The following SLC13A1 variants were observed in gnomAD, a reference collection of about 807,000 sequenced individuals.
The protein encoded by SLC13A1 is solute carrier family 13 member 1, also known as Na(+)/sulfate cotransporter.
Under a neutral mutation model 70.0 loss-of-function variants are expected in SLC13A1, and 65 were observed. The observed-to-expected ratio is 0.93, with a 90% CI of 0.76 to 1.14. The LOEUF (loss-of-function observed/expected upper bound fraction) is 1.14. Ranked by LOEUF, SLC13A1 falls within the 50% of genes most tolerant of loss-of-function variation. The pLI is 0.00. For missense variants in SLC13A1, 726 were observed against 717.8 expected, an observed-to-expected ratio of 1.01 and a Z score of -0.13; for synonymous variants, 275 against 250.5, an observed-to-expected ratio of 1.10 and a Z score of -0.92.
chr7:123,187,059 A>G (rs535422260), intron 1 of SLC13A1, among the ~76,000 whole-genome samples: 1 of 152,142 alleles, frequency 6.6e-6, no homozygotes, highest in Non-Finnish European at 1.5e-5. Flanking sequence ...GACTCCCAAA[A>G]GTTACATCAA....
chr7:123,120,781 T>C (rs1240378594), intron 12 of SLC13A1, among the ~76,000 whole-genome samples: 1 of 152,082 alleles, frequency 6.6e-6, no homozygotes, highest in African/African-American at 2.4e-5. Flanking sequence ...TTTAGTCACA[T>C]TGACACAAAT....
At chr7:123,132,842 G>T (rs1487390299) in intron 8 of SLC13A1, among the ~76,000 whole-genome samples, 1 of 152,174 alleles carries the variant, frequency 6.6e-6, no homozygotes, top group African/African-American at 2.4e-5. Flanking sequence ...TGTTAAATGA[G>T]TAGAATTTAC....
intron 6 of SLC13A1, among the ~76,000 whole-genome samples, chr7:123,161,968 T>C (rs117671224): frequency 0.016 from 2,453 of 152,126 alleles, 32 homozygotes; most frequent in East Asian, 0.027. Flanking sequence ...CAGGCATATA[T>C]GCATGAAATA....
rs572159706 is a variant in SLC13A1, at chr7:123,183,867, G to T, written c.100-2766C>A. Among the ~76,000 whole-genome samples, 403 of 152,190 alleles carry T rather than the reference G, an allele frequency of 2.6e-3. 1 individual carries two copies. Among genetic ancestry groups the T allele is most frequent in the Non-Finnish European group, 4.0e-3 (269 of 67,996 alleles). ...GAATCCCTGGATTCATAACCCATTTGTAAAACTTGTCTACCTTTTGATTTG... is the reference window on the plus strand; with the variant it reads ...GAATCCCTGGATTCATAACCCATTTTTAAAACTTGTCTACCTTTTGATTTG... On this transcript the variant is annotated intron_variant, in intron 1 of 14. Coordinates refer to ENST00000194130, the MANE Select transcript of SLC13A1 (RefSeq NM_022444.4).
intron 6 of SLC13A1, among the ~76,000 whole-genome samples, chr7:123,162,134 G>T (rs1457840922): frequency 6.6e-6 from 1 of 151,678 alleles, no homozygotes; most frequent in African/African-American, 2.4e-5. Context: ...AGTGTGGGGG[G>T]CTTATTGTAC....
chr7:123,133,886 G>A (rs972132755), intron 8 of SLC13A1, among the ~76,000 whole-genome samples: 4 of 151,970 alleles, frequency 2.6e-5, no homozygotes, highest in Non-Finnish European at 5.9e-5. Flanking sequence ...CGCCCAGGCT[G>A]TAGTGCAGTG....
At chr7:123,124,679 G>C (rs1468184347) in intron 11 of SLC13A1, among the ~76,000 whole-genome samples, 1 of 151,228 alleles carries the variant, frequency 6.6e-6, no homozygotes, top group African/African-American at 2.5e-5. Flanking sequence ...TGTTTAAAAA[G>C]TGTGTGTGTC....
At chr7:123,178,035 A>C (rs6978568) in intron 2 of SLC13A1, among the ~76,000 whole-genome samples, 87,052 of 135,894 alleles carry the variant, frequency 0.64, 25,684 homozygotes, top group East Asian at 0.74. Context: ...CTCTCTCTCT[A>C]TATATATATA....
intron 1 of SLC13A1, among the ~76,000 whole-genome samples, chr7:123,187,746 T>C (rs73217786): frequency 6.6e-6 from 1 of 152,236 alleles, no homozygotes; most frequent in Admixed American, 6.5e-5. Flanking sequence ...TTGATACATG[T>C]AGATTTATTG....
chr7:123,173,736 C>A (rs1034251517), intron 2 of SLC13A1, among the ~76,000 whole-genome samples: 6 of 152,072 alleles, frequency 3.9e-5, no homozygotes, highest in Non-Finnish European at 5.9e-5. Flanking sequence ...ATTTTGCTAA[C>A]CATCACGTAT....
rs1793145868 is a variant in SLC13A1, at chr7:123,115,410, C to A, written c.*108G>T. ...ATTCACAGGAATTGCAGCAGCTACACCATAACTGATTTAAATGTGTGTCAT... is the reference window on the plus strand; with the variant it reads ...ATTCACAGGAATTGCAGCAGCTACAACATAACTGATTTAAATGTGTGTCAT... On this transcript the variant is annotated 3_prime_UTR_variant, in exon 15 of 15. Coordinates refer to ENST00000194130, the MANE Select transcript of SLC13A1 (RefSeq NM_022444.4). 8.6e-7 allele frequency: 1 copy of A among 1,167,480 alleles called. No homozygotes were observed. 72.3% of individuals were successfully genotyped at this position (1,167,480 alleles called of 1,614,324 possible).
chr7:123,158,783 T>C (rs1169401276), intron 6 of SLC13A1, among the ~76,000 whole-genome samples: 1 of 152,006 alleles, frequency 6.6e-6, no homozygotes, highest in Non-Finnish European at 1.5e-5. Flanking sequence ...TAGAAATATA[T>C]AAATATATTT....
In SLC13A1 at chr7:123,114,232, G is replaced by A. The variant is rs1793109048; in HGVS notation, c.*1286C>T. 6.6e-6 allele frequency: 1 copy of A among 151,562 alleles called. No individual in the cohort carries two copies. The allele number at this position is 151,562 out of a possible 1,614,324, so 9.4% of individuals were successfully genotyped here. A position where few individuals can be genotyped will look rare whatever the true frequency, so the allele number is the denominator to read the frequency against. On this transcript the variant is annotated 3_prime_UTR_variant, in exon 15 of 15. Transcript: ENST00000194130. ...GTTTTTGATCATTTTTCCTTTAGCT[G>A]AATTTTGGAATGCCAATAGCACTTA...
intron 1 of SLC13A1, among the ~76,000 whole-genome samples, chr7:123,198,117 C>T (rs1796240567): frequency 6.6e-6 from 1 of 151,900 alleles, no homozygotes; most frequent in Admixed American, 6.6e-5. Flanking sequence ...TAGGATTCAG[C>T]CAAATCTAGA....
intron 1 of SLC13A1, among the ~76,000 whole-genome samples, chr7:123,189,473 A>G (rs187318868): frequency 1.8e-4 from 27 of 152,306 alleles, no homozygotes; most frequent in South Asian, 4.1e-4. Flanking sequence ...TACAATCTGT[A>G]TGACAACTCC....
chr7:123,148,459 A>C (rs184452431), intron 6 of SLC13A1: 11 of 452,296 alleles, frequency 2.4e-5, no homozygotes, highest in Admixed American at 9.6e-5. Context: ...ACTAGTCCAA[A>C]TGTAAGTGTT....
chr7:123,123,186 G>A lies in SLC13A1; in HGVS notation c.1290C>T (p.Phe430=). The A allele has an allele frequency of 6.2e-7, 1 of 1,613,584 alleles. No individual in the cohort carries two copies. Among genetic ancestry groups the A allele is most frequent in the Non-Finnish European group, 8.5e-7 (1 of 1,179,656 alleles). The change falls in exon 12 of 15, where the codon TTC becomes TTT. Residue 430 remains phenylalanine, a synonymous_variant. Coordinates refer to ENST00000194130, the MANE Select transcript of SLC13A1 (RefSeq NM_022444.4). Reference sequence around the variant, plus strand: ...CAAGAATGGCTATATCCCAGGGCATGAATGACTGGAATTCTTTCCAAGTAA... The same window carrying A: ...CAAGAATGGCTATATCCCAGGGCATAAATGACTGGAATTCTTTCCAAGTAA... The part of the protein sequence containing the change: ...PLITWKEFQS[F]MPWDIAILVG...
At chr7:123,179,164 A>G (rs1248510323) in intron 2 of SLC13A1, among the ~76,000 whole-genome samples, 1 of 152,128 alleles carries the variant, frequency 6.6e-6, no homozygotes, top group African/African-American at 2.4e-5. Flanking sequence ...TTCAAATTCA[A>G]GCAACATTTT....
At position 123,162,392 on chromosome 7, in the gene SLC13A1, C is replaced by T. The variant is rs777937198; in HGVS notation, c.660+5982G>A. The stretch of plus-strand genomic sequence containing the variant: ...AAGGTTGAAATCTGGAGTGAGGTCA[C>T]GTTCACAGATTGTTGCTGTGATTCC... On this transcript the variant is annotated intron_variant, in intron 6 of 14. Transcript: ENST00000194130. Among the ~76,000 whole-genome samples the T allele has an allele frequency of 1.5e-4, 23 of 152,200 alleles. 1 individual carries two copies. The highest frequency in any genetic ancestry group is 1.0e-4 in the Non-Finnish European group (7 of 67,980).
Sources: gnomAD v4.1 joint callset for allele counts (sites outside exome capture counted in the v4.1 genomes callset) on GRCh38, gnomAD v4.1.1 for gene constraint, MANE v1.5 for transcripts, NCBI Gene and HGNC (gene_info 2026-07-23, HGNC 2026-07-21) for gene names.